The following AVEN variants were observed in gnomAD, a reference collection of about 807,000 sequenced individuals.
The protein encoded by AVEN is cell death regulator Aven.
In AVEN, 41 loss-of-function variants were observed where a neutral mutation model predicts 38.1. That is an observed-to-expected ratio of 1.08 (90% CI 0.84 to 1.40). The LOEUF (loss-of-function observed/expected upper bound fraction) is 1.40, where lower values mean the gene tolerates loss of function less well. Ranked by LOEUF, AVEN falls within the 40% of genes most tolerant of loss-of-function variation. The pLI, the probability that AVEN is intolerant of heterozygous loss-of-function variation, is 0.00. For missense variants in AVEN, 605 were observed against 438.8 expected (o/e 1.38, Z -3.38); for synonymous variants, 206 against 171.8 (o/e 1.20, Z -1.56).
chr15:34,075,154 C>A (rs1033188741), exon 1 of AVEN, among the ~76,000 whole-genome samples: 5 of 137,904 alleles, frequency 3.6e-5, no homozygotes, highest in Non-Finnish European at 6.0e-5. Context: ...TGCACTCCAG[C>A]CTGGGCAAAA....
intron 2 of AVEN, among the ~76,000 whole-genome samples, chr15:33,885,950 A>C (rs1359458196): frequency 5.9e-5 from 9 of 152,214 alleles, no homozygotes; most frequent in Non-Finnish European, 4.4e-5. Flanking sequence ...CCTGGCACAG[A>C]ACTCCAAGAT....
intron 2 of AVEN, among the ~76,000 whole-genome samples, chr15:33,979,167 C>T (rs898922405): frequency 6.6e-6 from 1 of 152,128 alleles, no homozygotes; most frequent in Non-Finnish European, 1.5e-5. Context: ...AGAGTCACCT[C>T]GTAAACCCCT....
At chr15:33,975,019 G>A (rs1053175838) in intron 2 of AVEN, among the ~76,000 whole-genome samples, 1 of 152,092 alleles carries the variant, frequency 6.6e-6, no homozygotes, top group Non-Finnish European at 1.5e-5. Context: ...ATCCTATCAT[G>A]TTTTTAGCCA....
Position 33,997,287 on chromosome 15 carries a change from A to G in AVEN, c.445+5745T>C, listed in dbSNP as rs565937781. On this transcript the variant is annotated intron_variant, in intron 2 of 5. Coordinates refer to ENST00000306730, the MANE Select transcript of AVEN (RefSeq NM_020371.3). ...TACCTGCAAACACAAATATCAAAAGATAAGTATCAAGACTACTTTTTTTTT... is the reference window on the plus strand; with the variant it reads ...TACCTGCAAACACAAATATCAAAAGGTAAGTATCAAGACTACTTTTTTTTT... Among the ~76,000 whole-genome samples the G allele has an allele frequency of 3.9e-5, 6 of 152,334 alleles. No individual in the cohort carries two copies. In the South Asian group the frequency reaches 1.0e-3, roughly 26 times the overall value.
At chr15:34,051,307 C>T (rs1367387122) in intron 5 of AVEN, among the ~76,000 whole-genome samples, 1 of 150,318 alleles carries the variant, frequency 6.7e-6, no homozygotes, top group African/African-American at 2.4e-5. Context: ...AAACAAAGGA[C>T]AAAGTACCAA....
intron 1 of AVEN, among the ~76,000 whole-genome samples, chr15:34,033,702 G>A (rs1372701919): frequency 6.6e-6 from 1 of 152,118 alleles, no homozygotes; most frequent in African/African-American, 2.4e-5. Context: ...GTTGAATAAG[G>A]TTCTGTGGGA....
At chr15:33,982,257 C>A (rs1896185281) in intron 2 of AVEN, among the ~76,000 whole-genome samples, 1 of 151,962 alleles carries the variant, frequency 6.6e-6, no homozygotes, top group Non-Finnish European at 1.5e-5. Flanking sequence ...ACAAATTAAG[C>A]CAATCTAATT....
At chr15:33,858,617 C>CTTGA (rs983609192), downstream of AVEN, 1 of 40,010 alleles carries the variant, frequency 2.5e-5, no homozygotes, top group African/African-American at 4.1e-5. Flanking sequence ...GGATTAAGCA[C>CTTGA]TTGATTTATT....
chr15:33,914,981 T>C (rs1007370124), intron 2 of AVEN, among the ~76,000 whole-genome samples: 1 of 151,960 alleles, frequency 6.6e-6, no homozygotes, highest in Non-Finnish European at 1.5e-5. Context: ...ATTTCAGGGT[T>C]GGGAAACAGC....
At chr15:34,024,491 A>AG (rs1034642237) in intron 1 of AVEN, among the ~76,000 whole-genome samples, 1 of 148,430 alleles carries the variant, frequency 6.7e-6, no homozygotes, top group African/African-American at 2.5e-5. Context: ...AAAAAAAAAA[A>AG]AAGAAGCACT....
chr15:34,028,193 A>G (rs1898591216), intron 1 of AVEN, among the ~76,000 whole-genome samples: 1 of 152,232 alleles, frequency 6.6e-6, no homozygotes, highest in East Asian at 1.9e-4. Flanking sequence ...CATAAATAAT[A>G]AGATTCTAAA....
chr15:33,941,462 T>G (rs1894317528), intron 2 of AVEN, among the ~76,000 whole-genome samples: 1 of 152,196 alleles, frequency 6.6e-6, no homozygotes, highest in South Asian at 2.1e-4. Flanking sequence ...TATGGTCACA[T>G]GTGACAGAAA....
At chr15:34,039,576 G>A (rs747445704), upstream of AVEN, among the ~76,000 whole-genome samples, 3 of 152,108 alleles carry the variant, frequency 2.0e-5, no homozygotes, top group Non-Finnish European at 2.9e-5. Context: ...CTATACCGAA[G>A]TCAGGGTTCA....
At chr15:33,996,152 C>T (rs1480126558) in intron 2 of AVEN, among the ~76,000 whole-genome samples, 24 of 152,324 alleles carry the variant, frequency 1.6e-4, no homozygotes, top group African/African-American at 5.5e-4. Flanking sequence ...TGCTGAGACT[C>T]GAGTAGGTAA....
Position 34,063,563 on chromosome 15 carries a change from G to A in AVEN, n.1127-131C>T, listed in dbSNP as rs1166184098. The A allele has an allele frequency of 3.1e-6, 5 of 1,613,504 alleles. No individual in the cohort carries two copies. The African/African-American group carries it at 4.0e-5, about 13-fold the overall frequency. On this transcript the variant is annotated intron_variant and non_coding_transcript_variant, in intron 4 of 11. Coordinates refer to the AVEN transcript ENST00000675287. This position sits in a 1 kb window ranked among gnomAD's most constrained non-coding sequence, Gnocchi z 4.1. ...CCCGCAGGAGCACCTCCACCACTGG[G>A]AAGCCATCCCAAGCCACTGGCCCAA...
At chr15:34,041,464 T>C (rs76247053), upstream of AVEN, among the ~76,000 whole-genome samples, 3,576 of 152,242 alleles carry the variant, frequency 0.023, 102 homozygotes, top group African/African-American at 0.06. Flanking sequence ...CAGTGGGAAA[T>C]AGGGCTTTAA....
At chr15:33,943,148 G>A (rs1843873449) in intron 2 of AVEN, among the ~76,000 whole-genome samples, 1 of 152,194 alleles carries the variant, frequency 6.6e-6, no homozygotes, top group Non-Finnish European at 1.5e-5. Context: ...TCTTGAAGAG[G>A]TATTTGGCTA....
chr15:33,944,815 A>G (rs886166258), intron 2 of AVEN, among the ~76,000 whole-genome samples: 15 of 152,224 alleles, frequency 9.9e-5, no homozygotes, highest in Admixed American at 8.5e-4. Flanking sequence ...TCTCGAAAAA[A>G]AAAAAACCCA....
intron 2 of AVEN, among the ~76,000 whole-genome samples, chr15:33,963,016 C>T (rs8035805): frequency 0.1 from 15,549 of 151,126 alleles, 2,200 homozygotes; most frequent in African/African-American, 0.32. Context: ...TTGTGGCCTT[C>T]CTAACATGGG....
Sources: allele counts gnomAD v4.1 joint callset (sites outside exome capture counted in the v4.1 genomes callset), GRCh38; gene constraint gnomAD v4.1.1; non-coding constraint Gnocchi (gnomAD v3.1); transcripts MANE v1.5; gene names NCBI Gene and HGNC (gene_info 2026-07-23, HGNC 2026-07-21).